HCN1: variants seen among roughly 807,000 people sequenced by gnomAD.
HCN1 encodes potassium/sodium hyperpolarization-activated cyclic nucleotide-gated channel 1.
Under a neutral mutation model 78.9 loss-of-function variants are expected in HCN1, and 13 were observed. That is an observed-to-expected ratio of 0.16 (90% CI 0.11 to 0.26). The LOEUF (loss-of-function observed/expected upper bound fraction) is 0.26. Ranked by LOEUF, HCN1 falls within the 10% of genes least tolerant of loss-of-function variation. HCN1 has a pLI of 1.00. For synonymous variants in HCN1, 552 were observed against 455.5 expected, an observed-to-expected ratio of 1.21 and a Z score of -2.70; for missense variants, 810 against 1,154.3, an observed-to-expected ratio of 0.70 and a Z score of 4.32.
At chr5:45,287,757 A>G (rs1745296698) in intron 6 of HCN1, among the ~76,000 whole-genome samples, 1 of 152,100 alleles carries the variant, frequency 6.6e-6, no homozygotes, top group Non-Finnish European at 1.5e-5. Context: ...TAGGATTAAG[A>G]CTAACACATA....
intron 1 of HCN1, among the ~76,000 whole-genome samples, chr5:45,670,566 A>G (rs1746131045): frequency 6.6e-6 from 1 of 151,698 alleles, no homozygotes; most frequent in African/African-American, 2.4e-5. Context: ...TTTAACAGGA[A>G]TAATTTCTTA....
intron 7 of HCN1, among the ~76,000 whole-genome samples, chr5:45,263,074 T>C (rs1744781011): frequency 6.6e-6 from 1 of 152,188 alleles, no homozygotes; most frequent in East Asian, 1.9e-4. Flanking sequence ...AATGGAGATA[T>C]TTAACATGAG....
intron 2 of HCN1, among the ~76,000 whole-genome samples, chr5:45,632,283 G>A (rs1745281692): frequency 6.6e-6 from 1 of 151,538 alleles, no homozygotes; most frequent in South Asian, 2.1e-4. Flanking sequence ...GTTCCATTGT[G>A]TGTGTGTGTG....
intron 4 of HCN1, among the ~76,000 whole-genome samples, chr5:45,371,780 T>TGTACACACACAC (rs1337155377): frequency 1.7e-4 from 24 of 141,794 alleles, no homozygotes; most frequent in African/African-American, 6.3e-4. Flanking sequence ...TATATATATA[T>TGTACACACACAC]GTACACACAC....
At chr5:45,602,785 T>C (rs988715257) in intron 2 of HCN1, among the ~76,000 whole-genome samples, 3 of 152,136 alleles carry the variant, frequency 2.0e-5, no homozygotes, top group African/African-American at 7.2e-5. Flanking sequence ...CTCCAGCGAA[T>C]ACACATGTAC....
chr5:45,604,723 C>T lies in HCN1; in HGVS notation c.849+40462G>A, dbSNP rs1056245962. On this transcript the variant is annotated intron_variant, in intron 2 of 7. Transcript: ENST00000303230. Reference sequence around the variant, plus strand: ...ACAACTTTCTCAGATAAGACATGTACAGATAATTGAAAGAGCAGTAACAAC... The same window carrying T: ...ACAACTTTCTCAGATAAGACATGTATAGATAATTGAAAGAGCAGTAACAAC... 4.0e-5 allele frequency among the ~76,000 whole-genome samples: 6 copies of T among 151,868 alleles called. No homozygotes were observed. In the East Asian group the frequency reaches 9.7e-4, roughly 24 times the overall value.
At chr5:45,515,965 C>A (rs1392710927) in intron 2 of HCN1, among the ~76,000 whole-genome samples, 1 of 151,878 alleles carries the variant, frequency 6.6e-6, no homozygotes, top group Admixed American at 6.6e-5. Context: ...AGAGAATGAC[C>A]CTTTCTGATA....
In HCN1 at chr5:45,359,440, G is replaced by A. The variant is rs1291424585; in HGVS notation, c.1231-6194C>T. On this transcript the variant is annotated intron_variant, in intron 4 of 7. Transcript: ENST00000303230. ...AAATATATATATATATATATCACCT[G>A]ATTTATAATATCTCAAGATAATTTT... 2.0e-5 allele frequency among the ~76,000 whole-genome samples: 3 copies of A among 149,086 alleles called. No individual in the cohort carries two copies. In the East Asian group the frequency reaches 5.9e-4, roughly 29 times the overall value.
In HCN1 at chr5:45,624,217, G is replaced by A. The variant is rs543759542; in HGVS notation, c.849+20968C>T. ...CTTAGGCTCTCAAAGAAATGTTCTG[G>A]CTGCTGTATGAAACATAAGCCTAAG... On this transcript the variant is annotated intron_variant, in intron 2 of 7. Transcript: ENST00000303230. 3.3e-5 allele frequency among the ~76,000 whole-genome samples: 5 copies of A among 152,300 alleles called. No homozygotes were observed. The East Asian group carries it at 9.6e-4, about 29-fold the overall frequency.
chr5:45,305,774 A>AAAGGAAGG (rs58352441), intron 5 of HCN1, among the ~76,000 whole-genome samples: 1 of 147,808 alleles, frequency 6.8e-6, no homozygotes, highest in Non-Finnish European at 1.5e-5. Context: ...AGGGAGGAAG[A>AAAGGAAGG]AAGGAAGGAA....
intron 1 of HCN1, among the ~76,000 whole-genome samples, chr5:45,658,810 C>A (rs1014698563): frequency 1.3e-5 from 2 of 151,780 alleles, no homozygotes; most frequent in East Asian, 1.9e-4. Context: ...CCTACGCCCA[C>A]GGAATCTCGC....
At chr5:45,282,760 C>A (rs1745193427) in intron 6 of HCN1, among the ~76,000 whole-genome samples, 1 of 152,186 alleles carries the variant, frequency 6.6e-6, no homozygotes. Context: ...ACTAGTAATT[C>A]TTTCAATCAG....
At chr5:45,277,349 T>C (rs2111862422) in intron 6 of HCN1, among the ~76,000 whole-genome samples, 1 of 152,182 alleles carries the variant, frequency 6.6e-6, no homozygotes, top group East Asian at 1.9e-4. Flanking sequence ...AATTGATTGA[T>C]CTAAAGCTGT....
rs1444806920 is a variant in HCN1, at chr5:45,255,556, T to C, written c.*6365A>G. On this transcript the variant is annotated 3_prime_UTR_variant, in exon 8 of 8. Coordinates refer to ENST00000303230, the MANE Select transcript of HCN1 (RefSeq NM_021072.4). ...TTCCACAGTGAGGCACGCAAGAACA[T>C]TTAGAACTGCACATTTTAAACAGAA... The C allele has an allele frequency of 6.6e-6, 1 of 152,168 alleles. No individual in the cohort carries two copies. Among genetic ancestry groups the C allele is most frequent in the Admixed American group, 6.6e-5 (1 of 15,262 alleles). The allele number at this position is 152,168 out of a possible 1,614,324, so 9.4% of individuals were successfully genotyped here.
intron 2 of HCN1, among the ~76,000 whole-genome samples, chr5:45,546,782 T>C (rs190136921): frequency 1.3e-5 from 2 of 151,974 alleles, no homozygotes; most frequent in East Asian, 1.9e-4. Flanking sequence ...TTAAATATCG[T>C]TATTCCAACT....
intron 6 of HCN1, among the ~76,000 whole-genome samples, chr5:45,292,129 T>C (rs533386589): frequency 1.3e-5 from 2 of 152,064 alleles, no homozygotes; most frequent in South Asian, 4.1e-4. Context: ...CTGAAATAAA[T>C]GAACACTCTT....
intron 6 of HCN1, among the ~76,000 whole-genome samples, chr5:45,295,314 T>C (rs1745466403): frequency 1.3e-5 from 2 of 152,038 alleles, no homozygotes; most frequent in Admixed American, 6.6e-5. Context: ...TTCTTCTTTA[T>C]AAAATATAAC....
At chr5:45,309,383 G>A (rs192336352) in intron 5 of HCN1, among the ~76,000 whole-genome samples, 44 of 152,130 alleles carry the variant, frequency 2.9e-4, no homozygotes, top group Admixed American at 1.3e-3. Flanking sequence ...AATTGCTATG[G>A]CCAGAACTTC....
chr5:45,696,067 A>G lies in HCN1; in HGVS notation c.27T>C (p.Ser9=). The G allele has an allele frequency of 7.4e-7, 1 of 1,353,136 alleles. No individual in the cohort carries two copies. Among genetic ancestry groups the G allele is most frequent in the Non-Finnish European group, 9.6e-7 (1 of 1,042,158 alleles). The allele number at this position is 1,353,136 out of a possible 1,614,324, so 83.8% of individuals were successfully genotyped here. A position where few individuals can be genotyped will look rare whatever the true frequency, so the allele number is the denominator to read the frequency against. Residue 9 remains serine, a synonymous_variant, in exon 1 of 8, where the codon TCT becomes TCC. Transcript: ENST00000303230. The stretch of plus-strand genomic sequence containing the variant: ...TGCCATCGTCCCGGCTGTTAGACGA[A>G]GAGTTGGGCTTGCCGCCTCCTTCCA... MEGGGKPN[S]SSNSRDDGNS... is the part of the protein sequence containing the mutation.
Sources: allele counts gnomAD v4.1 joint callset (sites outside exome capture counted in the v4.1 genomes callset), GRCh38; gene constraint gnomAD v4.1.1; transcripts MANE v1.5; gene names NCBI Gene and HGNC (gene_info 2026-07-23, HGNC 2026-07-21).